The following DDX41 variants were observed in gnomAD, a reference collection of about 807,000 sequenced individuals.
The protein encoded by DDX41 is probable ATP-dependent RNA helicase DDX41.
A neutral mutation model predicts 78.8 loss-of-function variants in DDX41; 50 were observed. The ratio of observed to expected loss-of-function variants is 0.63; its 90% CI spans 0.51 to 0.80. The LOEUF is 0.80. Ranked by LOEUF, DDX41 falls within the 30% of genes least tolerant of loss-of-function variation. The pLI is 0.00. For synonymous variants in DDX41, 381 were observed against 321.5 expected (o/e 1.19, Z -1.98); for missense variants, 633 against 849.2 (o/e 0.75, Z 3.16).
At position 177,513,721 on chromosome 5, in the gene DDX41, G is replaced by A. The variant is rs199581668; in HGVS notation, c.1062C>T (p.Phe354=). The change falls in exon 10 of 17, where the codon TTC becomes TTT. Residue 354 remains phenylalanine (F), a synonymous_variant. Transcript: ENST00000330503. This position sits in a 1 kb window ranked among gnomAD's most constrained non-coding sequence, Gnocchi z 4.6. ...DEADRMIDMG[F]EGDIRTIFSY... ...AGAAGATGGTACGGATGTCACCCTC[G>A]AAGCCCATGTCGATCATGCGGTCAG... 1.7e-5 allele frequency: 27 copies of A among 1,613,696 alleles called. No individual in the cohort carries two copies. The highest frequency in any genetic ancestry group is 1.6e-4 in the Middle Eastern group (1 of 6,062).
At chr5:177,515,633 T>A in intron 6 of DDX41, 52 bp downstream of exon 6, 1 of 1,602,102 alleles carries the variant, frequency 6.2e-7, no homozygotes. Context: ...GGACATAACC[T>A]CACAGGCATT....
rs1458336588 is a variant in DDX41 at position 177,515,812 on chromosome 5, T to C, written c.444A>G (p.Pro148=). Residue 148 remains proline (P), a synonymous_variant, in exon 6 of 17, where the codon CCA becomes CCG. Coordinates refer to ENST00000330503, the MANE Select transcript of DDX41 (RefSeq NM_016222.4). ...CAGACATGCTCAGAACATAACGGGG[T>C]GGAGTCCAGCTGTGGATGGGTAACA... ...YDDPIKTSWT[P]PRYVLSMSEE... 3 of 1,613,956 alleles carry C rather than the reference T, an allele frequency of 1.9e-6. No individual in the cohort carries two copies. Among genetic ancestry groups the C allele is most frequent in the South Asian group, 1.1e-5 (1 of 91,054 alleles).
chr5:177,512,072 T>G, intron 16 of DDX41, 24 bp downstream of exon 16: 2 of 1,611,056 alleles, frequency 1.2e-6, no homozygotes, highest in Non-Finnish European at 1.7e-6. Flanking sequence ...GGCTGGGGAC[T>G]CGGGGATCCC....
Position 177,511,645 on chromosome 5 carries a change from A to G in DDX41, c.*146T>C. The G allele has an allele frequency of 9.2e-7, 1 of 1,088,370 alleles. No homozygotes were observed. Among genetic ancestry groups the G allele is most frequent in the East Asian group, 2.4e-5 (1 of 41,660 alleles). 67.4% of individuals were successfully genotyped at this position (1,088,370 alleles called of 1,614,324 possible). A position where few individuals can be genotyped will look rare whatever the true frequency, so the allele number is the denominator to read the frequency against. On this transcript the variant is annotated 3_prime_UTR_variant, in exon 17 of 17. Coordinates refer to ENST00000330503, the MANE Select transcript of DDX41 (RefSeq NM_016222.4). ...AACAAAAACAGTAATTCTGAAGAGC[A>G]CAGGGAACAGGCAGCCAGGACCAGC...
intron 12 of DDX41, 62 bp downstream of exon 12, chr5:177,512,949 C>A (rs1761045156): frequency 6.2e-7 from 1 of 1,608,544 alleles, no homozygotes; most frequent in Admixed American, 1.7e-5. Flanking sequence ...GGCACTCTGT[C>A]CCCTCCAAAG....
rs747549234 is a variant in DDX41, at chr5:177,512,271, A to G, written c.1621+51T>C. On this transcript the variant is annotated intron_variant, in intron 15 of 16. Transcript: ENST00000330503. Reference sequence around the variant, plus strand: ...CTCTGTGGCCAGAACCTGGGTGGCCACAGGCAGGGGACCCAGGGAACAGCT... The same window carrying G: ...CTCTGTGGCCAGAACCTGGGTGGCCGCAGGCAGGGGACCCAGGGAACAGCT... The G allele has an allele frequency of 3.4e-5, 55 of 1,613,810 alleles. No individual in the cohort carries two copies. In the East Asian group the frequency reaches 1.2e-3, roughly 35 times the overall value.
chr5:177,512,184 G>C lies in DDX41; in HGVS notation c.1644C>G (p.Leu548=), dbSNP rs146668975. The C allele has an allele frequency of 1.2e-6, 2 of 1,613,710 alleles. No individual in the cohort carries two copies. Among genetic ancestry groups the C allele is most frequent in the South Asian group, 1.1e-5 (1 of 91,082 alleles). Residue 548 remains leucine (L), a synonymous_variant, in exon 16 of 17, where the codon CTC becomes CTG. Transcript: ENST00000330503. ...KACDESVLMD[L]KALLLEAKQK... ...GCTTGGCTTCTAGCAGCAGCGCTTTGAGGTCCATCAGCACTGACTCATCTG... is the reference window on the plus strand; with the variant it reads ...GCTTGGCTTCTAGCAGCAGCGCTTTCAGGTCCATCAGCACTGACTCATCTG...
rs751949523 is a variant in DDX41 at position 177,515,917 on chromosome 5, G to C, written c.434+12C>G. On this transcript the variant is annotated intron_variant, in intron 5 of 16. Transcript: ENST00000330503. ...TCCTAAGCAAGGGCAACTGCAGACT[G>C]TACAGACATACCTGGTTTTGATGGG... 5 of 1,614,222 alleles carry C rather than the reference G, an allele frequency of 3.1e-6. No homozygotes were observed. The highest frequency in any genetic ancestry group is 4.2e-6 in the Non-Finnish European group (5 of 1,180,038).
At position 177,512,355 on chromosome 5, in the gene DDX41, CTG is replaced by C. The variant is rs866179648; in HGVS notation, c.1586_1587del (p.Thr529ArgfsTer12). 20 of 1,614,038 alleles carry C rather than the reference CTG, an allele frequency of 1.2e-5. No individual in the cohort carries two copies. The highest frequency in any genetic ancestry group is 1.6e-5 in the Non-Finnish European group (19 of 1,180,006). On this transcript the variant is annotated frameshift_variant, in exon 15 of 17. Coordinates refer to ENST00000330503, the MANE Select transcript of DDX41 (RefSeq NM_016222.4). LOFTEE classifies it high-confidence loss of function. ...TTGTTGATGAAGGTAGTGGCGATGC[CTG>C]TGTTTCCCGAGCGCCCGGTGCGGCC... ...RIGRTGRSGNTGIATTFINKA... is the reference protein window; with the variant it reads ...RIGRTGRSGNXGIATTFINKA...
Position 177,515,740 on chromosome 5 carries a change from C to T in DDX41, c.516G>A (p.Glu172=). ...RVRKKYHILV[E]GDGIPPPIKS... Reference sequence around the variant, plus strand: ...TGATGGGTGGTGGGATACCGTCTCCCTCCACCAGGATGTGGTATTTCTTCC... The same window carrying T: ...TGATGGGTGGTGGGATACCGTCTCCTTCCACCAGGATGTGGTATTTCTTCC... The change falls in exon 6 of 17, where the codon GAG becomes GAA. Residue 172 remains glutamate (E), a synonymous_variant. Coordinates refer to ENST00000330503, the MANE Select transcript of DDX41 (RefSeq NM_016222.4). The T allele has an allele frequency of 6.2e-7, 1 of 1,614,176 alleles. No homozygotes were observed. Among genetic ancestry groups the T allele is most frequent in the South Asian group, 1.1e-5 (1 of 91,092 alleles).
rs762082953 is a variant in DDX41 at position 177,516,765 on chromosome 5, T to C, written c.98A>G (p.Tyr33Cys). The change falls in exon 2 of 17, where the codon TAC (tyrosine) becomes TGC (cysteine). Residue 33 changes from tyrosine (Y) to cysteine (C), a missense_variant. Physicochemically the swap from Tyr to Cys is radical, Grantham distance 194 (BLOSUM62 -2). This residue lies in a region of DDX41 where 140 missense variants were observed against 115.2 expected (regional missense o/e 1.22). Coordinates refer to ENST00000330503, the MANE Select transcript of DDX41 (RefSeq NM_016222.4). ...SEAEDEDDED[Y>C]VPYVPLRQRR... ...CTGCCGTAACGGCACATAGGGCACGTAGTCCTCGTCGTCCTCATCTTCCGC... is the reference window on the plus strand; with the variant it reads ...CTGCCGTAACGGCACATAGGGCACGCAGTCCTCGTCGTCCTCATCTTCCGC... 7.4e-6 allele frequency: 12 copies of C among 1,611,598 alleles called. No individual in the cohort carries two copies. In the East Asian group the frequency reaches 2.0e-4, roughly 27 times the overall value.
chr5:177,515,822 C>T lies in DDX41; in HGVS notation c.435-1G>A, dbSNP rs200295070. ...CAGAACATAACGGGGTGGAGTCCAG[C>T]TGTGGATGGGTAACAGGGATCAAGA... On this transcript the variant is annotated splice_acceptor_variant, in intron 5 of 16. Coordinates refer to ENST00000330503, the MANE Select transcript of DDX41 (RefSeq NM_016222.4). LOFTEE classifies it high-confidence loss of function. 23 of 1,614,138 alleles carry T rather than the reference C, an allele frequency of 1.4e-5. No homozygotes were observed. Among genetic ancestry groups the T allele is most frequent in the Non-Finnish European group, 1.9e-5 (23 of 1,180,030 alleles).
Position 177,512,221 on chromosome 5 carries a change from GGGAAGCATCA to G in DDX41, c.1622-25_1622-16del. 2.5e-6 allele frequency: 4 copies of G among 1,613,776 alleles called. No individual in the cohort carries two copies. The highest frequency in any genetic ancestry group is 3.4e-6 in the Non-Finnish European group (4 of 1,179,968). ...CACTGACTCATCTGGGGGAGGAGTG[GGGAAGCATCA>G]GGGCCCATCCTGGGCTCTGTGGCCA... On this transcript the variant is annotated splice_polypyrimidine_tract_variant and intron_variant, in intron 15 of 16. Coordinates refer to ENST00000330503, the MANE Select transcript of DDX41 (RefSeq NM_016222.4).
At chr5:177,515,443 G>T in intron 6 of DDX41, 185 bp from the exon 7 acceptor site, 1 of 868,698 alleles carries the variant, frequency 1.2e-6, no homozygotes, top group Non-Finnish European at 1.9e-6. Flanking sequence ...GCTAGGTGCA[G>T]CCAGGATTTG....
rs375943993 is a variant in DDX41 at position 177,516,237 on chromosome 5, G to A, written c.299-44C>T. 6 of 1,614,046 alleles carry A rather than the reference G, an allele frequency of 3.7e-6. No individual in the cohort carries two copies. In the African/African-American group the frequency reaches 8.0e-5, roughly 22 times the overall value. On this transcript the variant is annotated intron_variant, in intron 3 of 16. Coordinates refer to ENST00000330503, the MANE Select transcript of DDX41 (RefSeq NM_016222.4). ...GATGTCAGACAGATACCAAAACGGT[G>A]TACCAGGCTCAGCTTCTTCTTTCTC...
At chr5:177,516,534 T>C in intron 2 of DDX41, 87 bp from the exon 3 acceptor site, 1 of 1,547,050 alleles carries the variant, frequency 6.5e-7, no homozygotes, top group South Asian at 1.1e-5. Flanking sequence ...GCGAGGATCC[T>C]GTGCCCGAGG....
At position 177,513,161 on chromosome 5, in the gene DDX41, A is replaced by G. The variant is rs1450101116; in HGVS notation, c.1231-79T>C. On this transcript the variant is annotated intron_variant, in intron 11 of 16. Coordinates refer to ENST00000330503, the MANE Select transcript of DDX41 (RefSeq NM_016222.4). This position sits in a 1 kb window ranked among gnomAD's most constrained non-coding sequence, Gnocchi z 4.6. ...AGCCCTGCCATGGCCCGTCATCTGGACCAGGAGGTGACCAGAAGCCTCTGG... is the reference window on the plus strand; with the variant it reads ...AGCCCTGCCATGGCCCGTCATCTGGGCCAGGAGGTGACCAGAAGCCTCTGG... The G allele has an allele frequency of 6.5e-7, 1 of 1,546,330 alleles. No homozygotes were observed. Among genetic ancestry groups the G allele is most frequent in the Non-Finnish European group, 8.8e-7 (1 of 1,130,852 alleles).
Position 177,516,682 on chromosome 5 carries a change from C to CCGCGGT in DDX41, c.138+37_138+42dup, listed in dbSNP as rs1561736301. 3 of 1,546,850 alleles carry CCGCGGT rather than the reference C, an allele frequency of 1.9e-6. No individual in the cohort carries two copies. In the Middle Eastern group the frequency reaches 6.4e-4, roughly 330 times the overall value. On this transcript the variant is annotated intron_variant, in intron 2 of 16. Transcript: ENST00000330503. The stretch of plus-strand genomic sequence containing the variant: ...GAGGCCACGCCCGCCCCCTGCGACC[C>CCGCGGT]CGCGGTCACGGCCCCATCCCTCCCC...
chr5:177,515,618 A>T, intron 6 of DDX41, 67 bp downstream of exon 6: 1 of 1,580,774 alleles, frequency 6.3e-7, no homozygotes, highest in Non-Finnish European at 8.6e-7. Flanking sequence ...GCTCAGTGGG[A>T]GCCAGGACAT....
Sources: gnomAD v4.1 joint callset for allele counts on GRCh38, gnomAD v4.1.1 for gene constraint, gnomAD v4.1.1 regional missense constraint, Gnocchi (gnomAD v3.1) non-coding constraint, MANE v1.5 for transcripts, NCBI Gene and HGNC (gene_info 2026-07-23, HGNC 2026-07-21) for gene names.